The following RFX8 variants were observed in gnomAD, a reference collection of about 807,000 sequenced individuals.
RFX8 encodes the protein DNA-binding protein RFX8.
In RFX8, 46 loss-of-function variants were observed where a neutral mutation model predicts 54.6. The ratio of observed to expected loss-of-function variants is 0.84; its 90% CI spans 0.67 to 1.08. RFX8 has a LOEUF of 1.08. RFX8 is among the 50% of genes least tolerant of loss of function. The pLI is 0.00. For synonymous variants in RFX8, 192 were observed against 209.5 expected, an observed-to-expected ratio of 0.92 and a Z score of 0.72; for missense variants, 536 against 562.3, an observed-to-expected ratio of 0.95 and a Z score of 0.47.
At chr2:101,456,357 A>G (rs1463839147) in intron 2 of RFX8, among the ~76,000 whole-genome samples, 1 of 152,140 alleles carries the variant, frequency 6.6e-6, no homozygotes, top group East Asian at 1.9e-4. Flanking sequence ...ATTTGTCATA[A>G]ATAGCTCTTC....
intron 2 of RFX8, among the ~76,000 whole-genome samples, chr2:101,452,023 C>G (rs7572879): frequency 0.35 from 52,354 of 151,494 alleles, 9,667 homozygotes; most frequent in African/African-American, 0.44. Flanking sequence ...AGCCCAGGGG[C>G]TTCAGGCTGC....
intron 2 of RFX8, among the ~76,000 whole-genome samples, chr2:101,426,396 G>A (rs553407165): frequency 6.6e-6 from 1 of 152,098 alleles, no homozygotes; most frequent in African/African-American, 2.4e-5. Context: ...ACATACGCCT[G>A]TAGTCCTAAA....
chr2:101,449,128 T>A (rs1422648492), intron 2 of RFX8, among the ~76,000 whole-genome samples: 1 of 152,176 alleles, frequency 6.6e-6, no homozygotes, highest in East Asian at 1.9e-4. Context: ...GCATTTGATA[T>A]GTTCAGGGAA....
intron 6 of RFX8, among the ~76,000 whole-genome samples, chr2:101,416,132 G>A (rs1374741566): frequency 2.0e-5 from 3 of 152,074 alleles, no homozygotes; most frequent in Admixed American, 6.5e-5. Context: ...GGCCAGGGAA[G>A]GTTGGTAATT....
At chr2:101,428,578 A>G (rs1687313192) in intron 2 of RFX8, among the ~76,000 whole-genome samples, 1 of 152,226 alleles carries the variant, frequency 6.6e-6, no homozygotes, top group South Asian at 2.1e-4. Context: ...CTAAAATAAA[A>G]TCAACTCATG....
chr2:101,455,622 T>C (rs1441989945), intron 2 of RFX8, among the ~76,000 whole-genome samples: 1 of 152,202 alleles, frequency 6.6e-6, no homozygotes, highest in Non-Finnish European at 1.5e-5. Context: ...ACTGTAGCCT[T>C]GTAGTATAGT....
intron 2 of RFX8, among the ~76,000 whole-genome samples, chr2:101,445,264 C>T (rs1023542827): frequency 3.3e-5 from 5 of 152,144 alleles, no homozygotes; most frequent in African/African-American, 1.2e-4. Flanking sequence ...TTTGCACAGC[C>T]CTTTCCTCTG....
chr2:101,465,755 A>G (rs1689541424), intron 2 of RFX8, among the ~76,000 whole-genome samples: 1 of 152,196 alleles, frequency 6.6e-6, no homozygotes, highest in Non-Finnish European at 1.5e-5. Context: ...TCTGTTGACT[A>G]CAAGCTTAAA....
intron 2 of RFX8, among the ~76,000 whole-genome samples, chr2:101,448,863 G>A (rs1688533276): frequency 6.6e-6 from 1 of 152,202 alleles, no homozygotes; most frequent in Non-Finnish European, 1.5e-5. Context: ...TGGCTATTTG[G>A]ACATATGGTC....
chr2:101,428,787 G>A (rs1397660412), intron 2 of RFX8, among the ~76,000 whole-genome samples: 2 of 152,184 alleles, frequency 1.3e-5, no homozygotes, highest in Non-Finnish European at 2.9e-5. Context: ...GTCTTGGCAC[G>A]GCATGTGGAA....
At chr2:101,452,209 G>T (rs576177017) in intron 2 of RFX8, among the ~76,000 whole-genome samples, 1 of 152,176 alleles carries the variant, frequency 6.6e-6, no homozygotes, top group Non-Finnish European at 1.5e-5. Context: ...GCCAGTGTTT[G>T]GTTCTAGCAC....
intron 2 of RFX8, among the ~76,000 whole-genome samples, chr2:101,463,682 C>T (rs553606816): frequency 6.6e-6 from 1 of 152,298 alleles, no homozygotes; most frequent in East Asian, 1.9e-4. Flanking sequence ...CTGAACACCA[C>T]CACCGGGAGA....
chr2:101,412,964 TG>T lies in RFX8; in HGVS notation c.668del (p.Ala223GlufsTer16). 1 of 1,551,894 alleles carries T rather than the reference TG, an allele frequency of 6.4e-7. No homozygotes were observed. Among genetic ancestry groups the T allele is most frequent in the East Asian group, 2.4e-5 (1 of 40,924 alleles). On this transcript the variant is annotated frameshift_variant, in exon 8 of 12. Coordinates refer to ENST00000428343, the MANE Select transcript of RFX8 (RefSeq NM_001145664.2). LOFTEE classifies it high-confidence loss of function. The stretch of plus-strand genomic sequence containing the variant: ...GTTCATCTGCGCCACTCCGGTCACT[TG>T]CCAGGGCTTTCTTAGAAGTAGCCAA... ...GTLATSKKAL[A>X]SDRSGADELE...
chr2:101,420,437 G>T lies in RFX8; in HGVS notation c.237+1287C>A, dbSNP rs137994684. Among the ~76,000 whole-genome samples, 326 of 152,002 alleles carry T rather than the reference G, an allele frequency of 2.1e-3. 4 individuals are homozygous for T. The highest frequency in any genetic ancestry group is 7.5e-3 in the African/African-American group (310 of 41,450). On this transcript the variant is annotated intron_variant, in intron 4 of 11. Transcript: ENST00000428343. ...TGGGCGCCTGTGATCCCAGCTACTC[G>T]GTAGGCTGAGGCAGGAGAATCGCTT...
intron 9 of RFX8, among the ~76,000 whole-genome samples, chr2:101,408,722 A>G (rs995216384): frequency 1.3e-5 from 2 of 152,262 alleles, no homozygotes; most frequent in Non-Finnish European, 2.9e-5. Flanking sequence ...TTCAAGAAGC[A>G]AATGAGACCA....
chr2:101,451,558 A>G (rs908110713), intron 2 of RFX8, among the ~76,000 whole-genome samples: 2 of 151,494 alleles, frequency 1.3e-5, no homozygotes, highest in African/African-American at 4.9e-5. Context: ...GCGTGGTGGC[A>G]GGCGCCTGTA....
At chr2:101,461,128 G>A (rs1299317060) in intron 2 of RFX8, among the ~76,000 whole-genome samples, 1 of 151,562 alleles carries the variant, frequency 6.6e-6, no homozygotes, top group Non-Finnish European at 1.5e-5. Context: ...AAATTGCCGG[G>A]CATGGTAGCG....
At chr2:101,404,795 T>C (rs1458667203) in intron 10 of RFX8, among the ~76,000 whole-genome samples, 1 of 152,122 alleles carries the variant, frequency 6.6e-6, no homozygotes. Context: ...AGCAGGAGCA[T>C]AAAGCAGAGT....
At chr2:101,465,846 C>T (rs1689545518) in intron 2 of RFX8, among the ~76,000 whole-genome samples, 1 of 152,196 alleles carries the variant, frequency 6.6e-6, no homozygotes, top group Non-Finnish European at 1.5e-5. Context: ...ATCTGAGGGA[C>T]TGCGTTGCAC....
Sources: gnomAD v4.1 joint callset for allele counts (sites outside exome capture counted in the v4.1 genomes callset) on GRCh38, gnomAD v4.1.1 for gene constraint, MANE v1.5 for transcripts, NCBI Gene and HGNC (gene_info 2026-07-23, HGNC 2026-07-21) for gene names.